NIPSNAP2: variants seen among roughly 807,000 people sequenced by gnomAD.
NIPSNAP2 encodes protein NipSnap homolog 2.
A neutral mutation model predicts 48.4 loss-of-function variants in NIPSNAP2; 42 were observed. The observed-to-expected ratio is 0.87, with a 90% CI of 0.68 to 1.12. NIPSNAP2 has a LOEUF of 1.12. Among genes scored for constraint, NIPSNAP2 ranks in the 50% most tolerant of loss-of-function variants. NIPSNAP2 has a pLI of 0.00. For missense variants in NIPSNAP2, 314 were observed against 347.3 expected (o/e 0.90, Z 0.76); for synonymous variants, 158 against 126.6 (o/e 1.25, Z -1.67).
rs1584354967 is a variant in NIPSNAP2 at position 55,999,277 on chromosome 7, G to A, written c.*205G>A. 1.4e-5 allele frequency: 8 copies of A among 577,794 alleles called. No homozygotes were observed. Among genetic ancestry groups the A allele is most frequent in the South Asian group, 2.1e-5 (1 of 47,240 alleles). The allele number at this position is 577,794 out of a possible 1,614,324, so 35.8% of individuals were successfully genotyped here. ...GGACTGATTGTGACAGTGCCTTGTC[G>A]TCCTCTTTGAAACACCCCGTGTTGT... On this transcript the variant is annotated 3_prime_UTR_variant, in exon 10 of 10. Coordinates refer to ENST00000322090, the MANE Select transcript of NIPSNAP2 (RefSeq NM_001483.3).
At chr7:55,992,390 C>T (rs1215257320) in intron 7 of NIPSNAP2, among the ~76,000 whole-genome samples, 3 of 152,026 alleles carry the variant, frequency 2.0e-5, no homozygotes, top group Non-Finnish European at 4.4e-5. Flanking sequence ...CTCAGGAGGC[C>T]GGGGCAGGAG....
At chr7:55,978,053 C>T in intron 1 of NIPSNAP2, 73 bp from the exon 2 acceptor site, 5 of 1,546,390 alleles carry the variant, frequency 3.2e-6, no homozygotes, top group Non-Finnish European at 4.4e-6. Context: ...TAGCTGCTCA[C>T]TGTGTTTGCC....
chr7:55,990,398 T>G (rs1787418942), intron 7 of NIPSNAP2, among the ~76,000 whole-genome samples: 1 of 151,938 alleles, frequency 6.6e-6, no homozygotes, highest in Non-Finnish European at 1.5e-5. Flanking sequence ...CCGGCTAATT[T>G]TTTGTGTGTT....
chr7:55,976,514 C>CCA (rs1787110448), intron 1 of NIPSNAP2, among the ~76,000 whole-genome samples: 2 of 152,136 alleles, frequency 1.3e-5, no homozygotes, highest in Non-Finnish European at 2.9e-5. Context: ...ATGGATGATG[C>CCA]CACACTGCCC....
At chr7:55,979,540 C>A in intron 3 of NIPSNAP2, 1 of 331,962 alleles carries the variant, frequency 3.0e-6, no homozygotes, top group South Asian at 2.5e-5. Flanking sequence ...CTTCATCGGA[C>A]ATGTATTTTG....
chr7:55,975,024 G>A (rs1481071654), intron 1 of NIPSNAP2, among the ~76,000 whole-genome samples: 1 of 151,892 alleles, frequency 6.6e-6, no homozygotes, highest in Non-Finnish European at 1.5e-5. Context: ...ACTGATCTAG[G>A]AAAAGGCAGA....
In NIPSNAP2 at chr7:55,999,295, C is replaced by A; in HGVS notation, c.*223C>A. ...CCTTGTCGTCCTCTTTGAAACACCC[C>A]GTGTTGTCCAGTATACCTTATAACA... On this transcript the variant is annotated 3_prime_UTR_variant, in exon 10 of 10. Transcript: ENST00000322090. 1.8e-6 allele frequency: 1 copy of A among 555,140 alleles called. No individual in the cohort carries two copies. The allele number at this position is 555,140 out of a possible 1,614,324, so 34.4% of individuals were successfully genotyped here.
At position 55,977,916 on chromosome 7, in the gene NIPSNAP2, T is replaced by C. The variant is rs189087372; in HGVS notation, c.93-210T>C. ...ACATAGTGCAAATTGCAAAGATAAA[T>C]GTGGGCTCTCTTATAGGAGTGCCAC... On this transcript the variant is annotated intron_variant, in intron 1 of 9. Transcript: ENST00000322090. 3.9e-5 allele frequency among the ~76,000 whole-genome samples: 6 copies of C among 152,336 alleles called. No homozygotes were observed. In the East Asian group the frequency reaches 9.6e-4, roughly 24 times the overall value.
intron 7 of NIPSNAP2, among the ~76,000 whole-genome samples, chr7:55,988,355 T>C (rs1287822952): frequency 6.6e-6 from 1 of 152,144 alleles, no homozygotes; most frequent in Non-Finnish European, 1.5e-5. Flanking sequence ...CCCATAAGCT[T>C]ATGGAAAGGG....
intron 7 of NIPSNAP2, among the ~76,000 whole-genome samples, chr7:55,991,396 A>C (rs1220135950): frequency 1.6e-4 from 24 of 151,876 alleles, no homozygotes; most frequent in Admixed American, 1.6e-3. Flanking sequence ...CCCATTACTG[A>C]TCAAGACTCG....
chr7:55,995,139 T>C (rs1787533293), intron 8 of NIPSNAP2, 151 bp downstream of exon 8: 2 of 656,348 alleles, frequency 3.0e-6, no homozygotes, highest in East Asian at 5.4e-5. Flanking sequence ...TGTCTGGAAC[T>C]AGCGAGGTCA....
chr7:55,968,909 T>G (rs1438295738), intron 1 of NIPSNAP2, among the ~76,000 whole-genome samples: 1 of 151,732 alleles, frequency 6.6e-6, no homozygotes, highest in Non-Finnish European at 1.5e-5. Context: ...TAGCAGGGTG[T>G]GGTGGTGCAG....
At chr7:55,977,764 A>C (rs1307121235) in intron 1 of NIPSNAP2, among the ~76,000 whole-genome samples, 1 of 150,774 alleles carries the variant, frequency 6.6e-6, no homozygotes, top group South Asian at 2.1e-4. Context: ...CTAAACTGAA[A>C]CTCCTTACCC....
chr7:55,987,994 C>T (rs1193741206), intron 7 of NIPSNAP2, among the ~76,000 whole-genome samples: 3 of 151,956 alleles, frequency 2.0e-5, no homozygotes, highest in Admixed American at 6.6e-5. Flanking sequence ...ATGTTTAGGC[C>T]AGGTGCAGTG....
intron 7 of NIPSNAP2, among the ~76,000 whole-genome samples, chr7:55,993,515 G>A (rs1787492628): frequency 6.6e-6 from 1 of 151,428 alleles, no homozygotes; most frequent in Admixed American, 6.6e-5. Context: ...GAAGGTGGAG[G>A]TTGCAGTGAG....
At chr7:55,969,846 G>A (rs1206933510) in intron 1 of NIPSNAP2, among the ~76,000 whole-genome samples, 1 of 152,110 alleles carries the variant, frequency 6.6e-6, no homozygotes, top group African/African-American at 2.4e-5. Flanking sequence ...AGCCGGGCGT[G>A]GTGGTGGGCG....
rs561699121 is a variant in NIPSNAP2, at chr7:55,994,546, C to A, written c.618-348C>A. Among the ~76,000 whole-genome samples the A allele has an allele frequency of 2.6e-5, 4 of 152,122 alleles. No individual in the cohort carries two copies. The South Asian group carries it at 6.2e-4, about 24-fold the overall frequency. ...TGGCCAACATAGGGAAATCTTGTCT[C>A]TACTAAAAATACAAAAATTAGCCGA... On this transcript the variant is annotated intron_variant, in intron 7 of 9. Coordinates refer to ENST00000322090, the MANE Select transcript of NIPSNAP2 (RefSeq NM_001483.3).
intron 6 of NIPSNAP2, among the ~76,000 whole-genome samples, chr7:55,984,332 T>C (rs1384429222): frequency 6.6e-6 from 1 of 152,194 alleles, no homozygotes; most frequent in Non-Finnish European, 1.5e-5. Flanking sequence ...ATCCCAGCAC[T>C]TTGGGAGGCC....
rs1787629556 is a variant in NIPSNAP2, at chr7:55,999,176, G to A, written c.*104G>A. The A allele has an allele frequency of 1.1e-6, 1 of 941,686 alleles. No individual in the cohort carries two copies. The highest frequency in any genetic ancestry group is 1.4e-5 in the South Asian group (1 of 71,456). The allele number at this position is 941,686 out of a possible 1,614,324, so 58.3% of individuals were successfully genotyped here. A position where few individuals can be genotyped will look rare whatever the true frequency, so the allele number is the denominator to read the frequency against. The stretch of plus-strand genomic sequence containing the variant: ...TGAAAAAGAAACACTGAGGTTTTAA[G>A]CTGCTGTATATAGCTTGTGAGAAAC... On this transcript the variant is annotated 3_prime_UTR_variant, in exon 10 of 10. Transcript: ENST00000322090.
Sources: gnomAD v4.1 joint callset for allele counts (sites outside exome capture counted in the v4.1 genomes callset) on GRCh38, gnomAD v4.1.1 for gene constraint, MANE v1.5 for transcripts, NCBI Gene and HGNC (gene_info 2026-07-23, HGNC 2026-07-21) for gene names.